Variants in PCDHGA2 observed in about 807,000 individuals in gnomAD.
PCDHGA2 encodes the protein protocadherin gamma subfamily A, 2.
A neutral mutation model predicts 59.2 loss-of-function variants in PCDHGA2; 40 were observed. The observed-to-expected ratio is 0.68, with a 90% CI of 0.52 to 0.88. The LOEUF is 0.88. PCDHGA2 is among the 40% of genes least tolerant of loss of function. The pLI, the probability that PCDHGA2 is intolerant of heterozygous loss-of-function variation, is 0.00. For missense variants in PCDHGA2, 1,226 were observed against 1,204.0 expected, an observed-to-expected ratio of 1.02 and a Z score of -0.27; for synonymous variants, 560 against 526.0, an observed-to-expected ratio of 1.06 and a Z score of -0.89.
intron 1 of PCDHGA2, chr5:141,420,003 T>C: frequency 6.2e-7 from 1 of 1,614,100 alleles, no homozygotes; most frequent in Non-Finnish European, 8.5e-7. Flanking sequence ...GCTCTACGCC[T>C]GCGACAGTCT....
chr5:141,352,090 C>T (rs565782021), intron 1 of PCDHGA2: 12 of 1,605,188 alleles, frequency 7.5e-6, no homozygotes, highest in East Asian at 6.7e-5. Flanking sequence ...CCAGCGAGCC[C>T]GGGCTCTTCA....
intron 1 of PCDHGA2, among the ~76,000 whole-genome samples, chr5:141,436,848 AT>A (rs1247905529): frequency 6.6e-6 from 1 of 152,244 alleles, no homozygotes; most frequent in African/African-American, 2.4e-5. Flanking sequence ...CACATTCTTG[AT>A]TGAGAAGCCA....
intron 1 of PCDHGA2, chr5:141,392,848 A>C (rs374832992): frequency 1.2e-6 from 2 of 1,610,796 alleles, no homozygotes; most frequent in Non-Finnish European, 1.7e-6. Flanking sequence ...AGACGCGGCG[A>C]GCTGATCCTG....
At chr5:141,361,317 G>A in intron 1 of PCDHGA2, 2 of 1,613,944 alleles carry the variant, frequency 1.2e-6, no homozygotes, top group Non-Finnish European at 8.5e-7. Flanking sequence ...AGTTTATTTT[G>A]AAATCTTCCT....
chr5:141,389,264 C>T, intron 1 of PCDHGA2: 1 of 1,614,018 alleles, frequency 6.2e-7, no homozygotes, highest in South Asian at 1.1e-5. Flanking sequence ...TCCACGTGGC[C>T]GAGAACAACC....
chr5:141,423,561 C>G (rs959698297), intron 1 of PCDHGA2: 7 of 1,613,628 alleles, frequency 4.3e-6, no homozygotes, highest in Non-Finnish European at 5.9e-6. Flanking sequence ...ACTATGGGGA[C>G]ACGCTCATCA....
chr5:141,346,487 G>A, intron 1 of PCDHGA2: 2 of 1,612,810 alleles, frequency 1.2e-6, no homozygotes, highest in Non-Finnish European at 1.7e-6. Context: ...TGATTATTAA[G>A]AACAAATATG....
At chr5:141,365,169 C>G (rs1419653105) in intron 1 of PCDHGA2, 1 of 1,613,808 alleles carries the variant, frequency 6.2e-7, no homozygotes, top group Non-Finnish European at 8.5e-7. Context: ...TTGACCTACT[C>G]TTTTCGCAAT....
intron 1 of PCDHGA2, among the ~76,000 whole-genome samples, chr5:141,438,641 C>T (rs1285585706): frequency 0.044 from 3,509 of 79,018 alleles, 123 homozygotes; most frequent in Non-Finnish European, 0.061. Flanking sequence ...TATATACACA[C>T]ACACACACAC....
chr5:141,453,784 G>T (rs767312144), intron 1 of PCDHGA2, among the ~76,000 whole-genome samples: 47 of 152,298 alleles, frequency 3.1e-4, no homozygotes, highest in Non-Finnish European at 5.6e-4. Flanking sequence ...AGTTACCATG[G>T]TATATTAACT....
intron 1 of PCDHGA2, chr5:141,383,899 C>T (rs560928380): frequency 1.2e-6 from 2 of 1,613,958 alleles, no homozygotes; most frequent in African/African-American, 2.7e-5. Context: ...GGCAAAAGTA[C>T]TGATCACAGT....
intron 1 of PCDHGA2, chr5:141,390,879 T>C (rs965843602): frequency 1.3e-5 from 2 of 153,458 alleles, no homozygotes; most frequent in African/African-American, 4.8e-5. Flanking sequence ...TGTGTGTGTG[T>C]GTGTGTGTGA....
At position 141,486,141 on chromosome 5, in the gene PCDHGA2, G is replaced by A. The variant is rs369317501; in HGVS notation, c.2425-8666G>A. 28 of 1,614,066 alleles carry A rather than the reference G, an allele frequency of 1.7e-5. No homozygotes were observed. The highest frequency in any genetic ancestry group is 2.3e-5 in the Non-Finnish European group (27 of 1,180,044). On this transcript the variant is annotated intron_variant, in intron 1 of 3. Transcript: ENST00000394576. This position sits in a 1 kb window ranked among gnomAD's most constrained non-coding sequence, Gnocchi z 5.0. ...TACTATGAATTTGATGTGCGGGCTC[G>A]CGATGGGGGTTCTCCAGCCATGGAG...
rs759809591 is a variant in PCDHGA2 at position 141,511,048 on chromosome 5, C to T, written c.2674C>T (p.Arg892Cys). The change falls in exon 4 of 4, where the codon CGC becomes TGC. Residue 892 changes from arginine (R) to cysteine (C), a missense_variant. Coordinates refer to ENST00000394576, the MANE Select transcript of PCDHGA2 (RefSeq NM_018915.4). ...QFTLQHVPDY[R>C]QNVYIPGSNA... ...CACCCTGCAGCACGTGCCCGACTAC[C>T]GCCAGAATGTCTACATCCCAGGCAG... 9 of 1,614,224 alleles carry T rather than the reference C, an allele frequency of 5.6e-6. No individual in the cohort carries two copies. The highest frequency in any genetic ancestry group is 1.7e-5 in the Admixed American group (1 of 60,034).
intron 1 of PCDHGA2, among the ~76,000 whole-genome samples, chr5:141,463,944 T>C (rs1454454223): frequency 3.3e-5 from 5 of 152,158 alleles, no homozygotes; most frequent in African/African-American, 4.8e-5. Flanking sequence ...TTTATAGAAA[T>C]CTTCATTTTT....
intron 1 of PCDHGA2, chr5:141,351,078 A>C (rs1758637541): frequency 2.5e-6 from 4 of 1,613,942 alleles, no homozygotes; most frequent in Non-Finnish European, 3.4e-6. Flanking sequence ...ATTAATGCAG[A>C]GATCACCTAT....
intron 1 of PCDHGA2, chr5:141,387,669 T>A: frequency 1.4e-6 from 1 of 693,784 alleles, no homozygotes; most frequent in East Asian, 2.8e-5. Context: ...GCGCTCCAGA[T>A]CTCCTCGCGC....
chr5:141,372,091 C>A, intron 1 of PCDHGA2: 2 of 1,613,774 alleles, frequency 1.2e-6, no homozygotes, highest in Non-Finnish European at 1.7e-6. Flanking sequence ...CTGTACCCAG[C>A]TCTGGGGCCC....
rs886859909 is a variant in PCDHGA2 at position 141,340,332 on chromosome 5, G to A, written c.1361G>A (p.Arg454His). The change falls in exon 1 of 4, where the codon CGC becomes CAC. Residue 454 changes from arginine (R) to histidine (H), a missense_variant. Arg to His is a conservative substitution (Grantham distance 29). Coordinates refer to ENST00000394576, the MANE Select transcript of PCDHGA2 (RefSeq NM_018915.4). ...DINDNAPAFS[R>H]TSYSTYIPEN... ...AACGACAACGCACCCGCCTTCTCCC[G>A]CACATCCTACTCCACCTACATTCCC... 2 of 1,613,882 alleles carry A rather than the reference G, an allele frequency of 1.2e-6. No individual in the cohort carries two copies. Among genetic ancestry groups the A allele is most frequent in the Admixed American group, 1.7e-5 (1 of 59,990 alleles).
Sources: gnomAD v4.1 joint callset for allele counts (sites outside exome capture counted in the v4.1 genomes callset) on GRCh38, gnomAD v4.1.1 for gene constraint, Gnocchi (gnomAD v3.1) non-coding constraint, MANE v1.5 for transcripts, NCBI Gene and HGNC (gene_info 2026-07-23, HGNC 2026-07-21) for gene names.